Variants in CDH23 observed in about 807,000 individuals in gnomAD.
CDH23 encodes cadherin-23.
A neutral mutation model predicts 317.1 loss-of-function variants in CDH23; 189 were observed. That is an observed-to-expected ratio of 0.60 (90% CI 0.53 to 0.67). The LOEUF (loss-of-function observed/expected upper bound fraction) is 0.67. CDH23 is among the 30% of genes least tolerant of loss of function. The probability of loss-of-function intolerance (pLI) is 0.00; values close to 1 mark genes in which losing one functional copy is unlikely to be tolerated. For synonymous variants in CDH23, 1,839 were observed against 1,876.8 expected (o/e 0.98, Z 0.52); for missense variants, 4,401 against 4,592.4 (o/e 0.96, Z 1.20).
intron 54 of CDH23, 35 bp from the exon 55 acceptor site, chr10:71,803,174 C>G (rs558673290): frequency 3.2e-5 from 51 of 1,606,656 alleles, no homozygotes; most frequent in Non-Finnish European, 4.3e-5. Context: ...GGAAGGATGT[C>G]TCAACCAGAG....
At chr10:71,507,391 A>G (rs1340823233) in intron 3 of CDH23, among the ~76,000 whole-genome samples, 1 of 152,242 alleles carries the variant, frequency 6.6e-6, no homozygotes, top group Non-Finnish European at 1.5e-5. Flanking sequence ...TTACAAATAA[A>G]TTAAACATAA....
At chr10:71,686,461 G>T (rs1302056152) in intron 18 of CDH23, among the ~76,000 whole-genome samples, 1 of 152,028 alleles carries the variant, frequency 6.6e-6, no homozygotes, top group East Asian at 1.9e-4. Flanking sequence ...TCCTGTCTGG[G>T]CACCCACAAT....
At chr10:71,574,822 C>A (rs1858066318) in intron 8 of CDH23, among the ~76,000 whole-genome samples, 1 of 152,150 alleles carries the variant, frequency 6.6e-6, no homozygotes, top group Non-Finnish European at 1.5e-5. Flanking sequence ...TCACACCTCA[C>A]CCCCTCCTCA....
chr10:71,595,803 G>A (rs7092979), intron 9 of CDH23, among the ~76,000 whole-genome samples: 21,174 of 152,122 alleles, frequency 0.14, 1,804 homozygotes, highest in African/African-American at 0.23. Context: ...CAGGTTATGC[G>A]TGGCACTGCC....
chr10:71,578,633 C>T (rs1858402614), intron 9 of CDH23, among the ~76,000 whole-genome samples: 2 of 152,196 alleles, frequency 1.3e-5, no homozygotes, highest in Admixed American at 1.3e-4. Context: ...CTCTGTTCGG[C>T]TGTCCCAGGG....
chr10:71,684,440 C>CT (rs112246444), intron 18 of CDH23, among the ~76,000 whole-genome samples: 12 of 152,144 alleles, frequency 7.9e-5, no homozygotes, highest in African/African-American at 2.4e-4. Flanking sequence ...TCCACCCCCC[C>CT]TGGAGACACC....
intron 11 of CDH23, among the ~76,000 whole-genome samples, chr10:71,642,425 G>A (rs1194026415): frequency 9.6e-6 from 1 of 104,516 alleles, no homozygotes; most frequent in African/African-American, 3.7e-5. Context: ...TTGAGATGAT[G>A]TCTCACTCTG....
At chr10:71,485,351 G>A (rs1852291132) in intron 3 of CDH23, among the ~76,000 whole-genome samples, 1 of 152,158 alleles carries the variant, frequency 6.6e-6, no homozygotes, top group Admixed American at 6.5e-5. Context: ...TATAAAAAGT[G>A]GTCTGAAAGT....
At chr10:71,438,210 G>C (rs1376433169) in intron 1 of CDH23, among the ~76,000 whole-genome samples, 4 of 135,636 alleles carry the variant, frequency 2.9e-5, no homozygotes, top group Non-Finnish European at 6.4e-5. Flanking sequence ...AAGCGTGGTG[G>C]CACGCACCTG....
chr10:71,739,839 A>G, intron 36 of CDH23, 67 bp downstream of exon 36: 1 of 1,497,660 alleles, frequency 6.7e-7, no homozygotes, highest in Admixed American at 1.9e-5. Context: ...ACTACTCTCC[A>G]TCCAGGAGAG....
intron 30 of CDH23, among the ~76,000 whole-genome samples, chr10:71,728,916 A>C (rs1446319377): frequency 2.6e-5 from 4 of 151,694 alleles, no homozygotes; most frequent in Non-Finnish European, 5.9e-5. Flanking sequence ...GGCTGGTCTC[A>C]AACTCCTGGG....
chr10:71,794,788 A>G (rs1392651101), intron 48 of CDH23, among the ~76,000 whole-genome samples: 1 of 152,202 alleles, frequency 6.6e-6, no homozygotes, highest in Non-Finnish European at 1.5e-5. Flanking sequence ...GGACACTTGT[A>G]CCACCATTAC....
chr10:71,448,384 C>T (rs1446340132), intron 3 of CDH23, among the ~76,000 whole-genome samples: 2 of 152,242 alleles, frequency 1.3e-5, no homozygotes, highest in Admixed American at 1.3e-4. Flanking sequence ...GTTAAGGCTG[C>T]ACTTGGCAGT....
intron 1 of CDH23, among the ~76,000 whole-genome samples, chr10:71,403,505 CCTTT>C (rs1385398548): frequency 1.1e-4 from 11 of 102,982 alleles, no homozygotes; most frequent in Non-Finnish European, 2.2e-4. Flanking sequence ...TTCCTTCCTT[CCTTT>C]CTTTCCTTCT....
chr10:71,654,631 G>A (rs897743435), intron 14 of CDH23, among the ~76,000 whole-genome samples: 2 of 152,176 alleles, frequency 1.3e-5, no homozygotes, highest in African/African-American at 4.8e-5. Context: ...AGAGGGCCCG[G>A]AGGATCCATT....
At position 71,807,671 on chromosome 10, in the gene CDH23, G is replaced by A. The variant is rs1305925095; in HGVS notation, c.8464G>A (p.Asp2822Asn). Reference sequence around the variant, plus strand: ...TCCCCGTGGACCCTCCCCAACCCTCGACCTGGTTGCTGACCTCACACTGCA... The same window carrying A: ...TCCCCGTGGACCCTCCCCAACCCTCAACCTGGTTGCTGACCTCACACTGCA... ...TPPRGPSPTLDLVADLTLQEV... is the reference protein window; with the variant it reads ...TPPRGPSPTLNLVADLTLQEV... Residue 2822 changes from aspartate to asparagine, a missense_variant, in exon 59 of 70, where the codon GAC becomes AAC. Asp to Asn is a conservative substitution (Grantham distance 23). This residue lies in a region of CDH23 where 1,144 missense variants were observed against 1,138.2 expected (regional missense o/e 1.01). Coordinates refer to ENST00000224721, the MANE Select transcript of CDH23 (RefSeq NM_022124.6). 1.2e-5 allele frequency: 19 copies of A among 1,613,692 alleles called. No homozygotes were observed. Among genetic ancestry groups the A allele is most frequent in the Admixed American group, 1.2e-4 (7 of 59,976 alleles).
intron 3 of CDH23, among the ~76,000 whole-genome samples, chr10:71,450,759 G>A (rs987371927): frequency 9.2e-5 from 14 of 151,994 alleles, no homozygotes; most frequent in African/African-American, 3.1e-4. Flanking sequence ...GCATCAGAGG[G>A]CCCCAGGGCT....
intron 11 of CDH23, among the ~76,000 whole-genome samples, chr10:71,618,846 T>C (rs1589268026): frequency 7.2e-6 from 1 of 138,100 alleles, no homozygotes; most frequent in South Asian, 2.5e-4. Flanking sequence ...TGCACACGTG[T>C]GTGTGTGTGT....
chr10:71,761,574 C>T lies in CDH23; in HGVS notation c.4846-16106C>T, dbSNP rs1014526824. 5.2e-6 allele frequency: 8 copies of T among 1,544,502 alleles called. No homozygotes were observed. In the African/African-American group the frequency reaches 1.1e-4, roughly 21 times the overall value. On this transcript the variant is annotated intron_variant, in intron 38 of 69. Transcript: ENST00000224721. ...CAGGCAGCCCTCCACACACGCCAGG[C>T]TGTCACGTGCAGGATGCCCTCACCT...
Sources: allele counts gnomAD v4.1 joint callset (sites outside exome capture counted in the v4.1 genomes callset), GRCh38; gene constraint gnomAD v4.1.1; regional missense constraint gnomAD v4.1.1; transcripts MANE v1.5; gene names NCBI Gene and HGNC (gene_info 2026-07-23, HGNC 2026-07-21).